Variants in SNX13 observed in about 807,000 individuals in gnomAD.
SNX13 encodes the protein sorting nexin-13.
A neutral mutation model predicts 133.6 loss-of-function variants in SNX13; 45 were observed. The ratio of observed to expected loss-of-function variants is 0.34; its 90% CI spans 0.27 to 0.43. The LOEUF is 0.43. SNX13 is among the 20% of genes least tolerant of loss of function. SNX13 has a pLI of 1.00. For synonymous variants in SNX13, 414 were observed against 373.9 expected, an observed-to-expected ratio of 1.11 and a Z score of -1.24; for missense variants, 1,032 against 1,145.1, an observed-to-expected ratio of 0.90 and a Z score of 1.43.
rs992150808 is a variant in SNX13, at chr7:17,792,169, T to A, written c.*1876A>T. The A allele has an allele frequency of 6.6e-6, 1 of 152,026 alleles. No individual in the cohort carries two copies. The highest frequency in any genetic ancestry group is 1.5e-5 in the Non-Finnish European group (1 of 67,938). 9.4% of individuals were successfully genotyped at this position (152,026 alleles called of 1,614,324 possible). ...AATATATTTGAAATGGGCAGAGGCA[T>A]ATATGAAAATCACTGCACTTATGGC... On this transcript the variant is annotated 3_prime_UTR_variant, in exon 26 of 26. Transcript: ENST00000428135.
At chr7:17,920,696 T>C (rs909636044) in intron 1 of SNX13, among the ~76,000 whole-genome samples, 1 of 152,210 alleles carries the variant, frequency 6.6e-6, no homozygotes, top group Admixed American at 6.5e-5. Flanking sequence ...TTAATCTAAG[T>C]AAGAGGGTTC....
chr7:17,876,208 T>C (rs942624905), intron 5 of SNX13, among the ~76,000 whole-genome samples: 1 of 152,246 alleles, frequency 6.6e-6, no homozygotes, highest in African/African-American at 2.4e-5. Flanking sequence ...TTCTGAACTC[T>C]TTCTGAATTC....
intron 9 of SNX13, among the ~76,000 whole-genome samples, chr7:17,861,755 G>A (rs887351368): frequency 1.3e-5 from 2 of 152,184 alleles, no homozygotes; most frequent in East Asian, 3.9e-4. Context: ...AGAATCATGA[G>A]AAAAGGGATG....
chr7:17,876,692 T>C (rs1281681252), intron 5 of SNX13, among the ~76,000 whole-genome samples: 3 of 151,780 alleles, frequency 2.0e-5, no homozygotes, highest in African/African-American at 4.8e-5. Context: ...AAAAAGGTGA[T>C]TACTAATTTT....
At chr7:17,850,019 G>C (rs1045277495) in intron 11 of SNX13, among the ~76,000 whole-genome samples, 46 of 151,990 alleles carry the variant, frequency 3.0e-4, no homozygotes, top group African/African-American at 1.1e-3. Context: ...CTGTCTGCTT[G>C]GCTCTTCTAA....
intron 1 of SNX13, among the ~76,000 whole-genome samples, chr7:17,925,133 G>C (rs140709860): frequency 1.5e-3 from 226 of 152,254 alleles, no homozygotes; most frequent in Middle Eastern, 6.8e-3. Flanking sequence ...AGAATCACTT[G>C]AACCTGGGAG....
intron 5 of SNX13, chr7:17,881,988 T>C (rs772725283): frequency 3.9e-5 from 6 of 152,204 alleles, no homozygotes; most frequent in African/African-American, 9.7e-5. Context: ...TAGTTGTCAG[T>C]ATTGATTAAA....
chr7:17,849,624 C>T (rs369065294), intron 11 of SNX13, among the ~76,000 whole-genome samples: 1 of 151,720 alleles, frequency 6.6e-6, no homozygotes, highest in Non-Finnish European at 1.5e-5. Context: ...TAAGATCTAA[C>T]CCCCCGGTTC....
In SNX13 at chr7:17,801,635, C is replaced by T; in HGVS notation, c.2251G>A (p.Asp751Asn). ...FKVPPLIPKT[D>N]SDPEHRRVSA... Reference sequence around the variant, plus strand: ...ACTCGGCGATGTTCAGGGTCTGAATCAGTCTTAGGAATTAAAGGAGGCACC... The same window carrying T: ...ACTCGGCGATGTTCAGGGTCTGAATTAGTCTTAGGAATTAAAGGAGGCACC... The change falls in exon 22 of 26, where the codon GAT (aspartate) becomes AAT (asparagine). Residue 751 changes from aspartate to asparagine, a missense_variant. Physicochemically the swap from Asp to Asn is conservative, Grantham distance 23. Coordinates refer to ENST00000428135, the MANE Select transcript of SNX13 (RefSeq NM_015132.5). 1.2e-6 allele frequency: 2 copies of T among 1,609,018 alleles called. No homozygotes were observed. Among genetic ancestry groups the T allele is most frequent in the East Asian group, 4.5e-5 (2 of 44,768 alleles).
chr7:17,923,650 AAGG>A (rs1408573582), intron 1 of SNX13, among the ~76,000 whole-genome samples: 3 of 152,178 alleles, frequency 2.0e-5, no homozygotes, highest in Non-Finnish European at 4.4e-5. Flanking sequence ...ATCATGAAGC[AAGG>A]AGAAGAAAAC....
At chr7:17,878,857 A>G (rs1583593758) in intron 5 of SNX13, among the ~76,000 whole-genome samples, 1 of 152,116 alleles carries the variant, frequency 6.6e-6, no homozygotes, top group East Asian at 1.9e-4. Flanking sequence ...AAGTGCAAAT[A>G]TGCCCCTTTT....
intron 15 of SNX13, chr7:17,830,404 G>A (rs1443967177): frequency 2.0e-6 from 2 of 984,178 alleles, no homozygotes; most frequent in Admixed American, 1.2e-4. Context: ...GGCCCATTAG[G>A]AAACACCAGC....
intron 9 of SNX13, among the ~76,000 whole-genome samples, chr7:17,855,793 G>A (rs1265438032): frequency 1.3e-5 from 2 of 152,180 alleles, no homozygotes; most frequent in Non-Finnish European, 2.9e-5. Context: ...AATATCCATT[G>A]TGCAGCCCAA....
Position 17,794,486 on chromosome 7 carries a change from AT to A in SNX13, c.2627-195del. On this transcript the variant is annotated intron_variant, in intron 25 of 25. Transcript: ENST00000428135. ...ATGCATGCATCTATTTACGCACTTA[AT>A]GCAAAAGCTACTGGGAGACAATATA... is the stretch of plus-strand genomic sequence containing the variant. 4.8e-6 allele frequency: 3 copies of A among 618,972 alleles called. No individual in the cohort carries two copies. In the South Asian group the frequency reaches 7.0e-5, roughly 14 times the overall value. 38.3% of individuals were successfully genotyped at this position (618,972 alleles called of 1,614,324 possible).
chr7:17,890,344 T>A lies in SNX13; in HGVS notation c.440+19A>T, dbSNP rs1796491001. On this transcript the variant is annotated intron_variant, in intron 5 of 25. Coordinates refer to ENST00000428135, the MANE Select transcript of SNX13 (RefSeq NM_015132.5). ...ATACATCTAAATTTTTCTGCATAAA[T>A]ACAATGTCGTGTCCTTACCTAGTAG... The A allele has an allele frequency of 6.2e-7, 1 of 1,600,424 alleles. No homozygotes were observed. Among genetic ancestry groups the A allele is most frequent in the African/African-American group, 1.3e-5 (1 of 74,126 alleles).
chr7:17,819,537 T>C lies in SNX13; in HGVS notation c.1845+1972A>G, dbSNP rs1345795941. 3.9e-5 allele frequency among the ~76,000 whole-genome samples: 6 copies of C among 152,104 alleles called. No individual in the cohort carries two copies. In the South Asian group the frequency reaches 6.2e-4, roughly 16 times the overall value. ...GCACCGCGCTTGGCATTGGAAAAAA[T>C]GTTGTATCACAAAATTATATAAACA... On this transcript the variant is annotated intron_variant, in intron 18 of 25. Coordinates refer to ENST00000428135, the MANE Select transcript of SNX13 (RefSeq NM_015132.5).
intron 9 of SNX13, among the ~76,000 whole-genome samples, chr7:17,866,483 A>G (rs983101461): frequency 5.9e-5 from 9 of 152,220 alleles, no homozygotes; most frequent in African/African-American, 2.2e-4. Context: ...AAGAAAGGCA[A>G]TAACAAATGC....
intron 22 of SNX13, among the ~76,000 whole-genome samples, chr7:17,799,947 A>C (rs553971220): frequency 4.6e-5 from 7 of 151,942 alleles, no homozygotes; most frequent in African/African-American, 1.7e-4. Flanking sequence ...TAATTTAAAT[A>C]CTGGCAAGAA....
At chr7:17,874,053 C>G (rs770148795) in intron 7 of SNX13, among the ~76,000 whole-genome samples, 1 of 152,154 alleles carries the variant, frequency 6.6e-6, no homozygotes, top group Non-Finnish European at 1.5e-5. Context: ...AAAGAGTATG[C>G]TCTTCTATTC....
Sources: allele counts gnomAD v4.1 joint callset (sites outside exome capture counted in the v4.1 genomes callset), GRCh38; gene constraint gnomAD v4.1.1; transcripts MANE v1.5; gene names NCBI Gene and HGNC (gene_info 2026-07-23, HGNC 2026-07-21).